MAP3K13: variants seen among roughly 807,000 people sequenced by gnomAD.
The protein encoded by MAP3K13 is leucine zipper-bearing kinase.
A neutral mutation model predicts 104.0 loss-of-function variants in MAP3K13; 52 were observed. The observed-to-expected ratio is 0.50, with a 90% CI of 0.40 to 0.63. The LOEUF is 0.63. MAP3K13 is among the 20% of genes least tolerant of loss of function. MAP3K13 has a pLI of 0.00. For synonymous variants in MAP3K13, 394 were observed against 442.2 expected, an observed-to-expected ratio of 0.89 and a Z score of 1.37; for missense variants, 914 against 1,218.5, an observed-to-expected ratio of 0.75 and a Z score of 3.72.
At chr3:185,408,390 G>A (rs1018699039) in intron 1 of MAP3K13, among the ~76,000 whole-genome samples, 1 of 152,014 alleles carries the variant, frequency 6.6e-6, no homozygotes, top group African/African-American at 2.4e-5. Context: ...TGGCCAACAT[G>A]GTGAAATGCC....
At chr3:185,341,040 AT>A (rs1722702896) in intron 2 of MAP3K13, among the ~76,000 whole-genome samples, 1 of 10,100 alleles carries the variant, frequency 9.9e-5, no homozygotes, top group Non-Finnish European at 5.3e-4. Context: ...ATAAAGTTAC[AT>A]TCTGAGATTC....
In MAP3K13 at chr3:185,455,001, T is replaced by G. The variant is rs1355053272; in HGVS notation, c.1278+3606T>G. On this transcript the variant is annotated intron_variant, in intron 7 of 13. Coordinates refer to ENST00000265026, the MANE Select transcript of MAP3K13 (RefSeq NM_004721.5). ...TGATATATATGAGATATATATGATA[T>G]ATATGAGATATATATGATATATATG... Among the ~76,000 whole-genome samples, 2 of 44,932 alleles carry G rather than the reference T, an allele frequency of 4.5e-5. 1 individual carries two copies. Among genetic ancestry groups the G allele is most frequent in the African/African-American group, 1.1e-4 (2 of 18,706 alleles). 29.5% of individuals were successfully genotyped at this position (44,932 alleles called of 152,430 possible).
At chr3:185,413,568 T>C (rs1482979859) in intron 1 of MAP3K13, among the ~76,000 whole-genome samples, 1 of 152,184 alleles carries the variant, frequency 6.6e-6, no homozygotes, top group African/African-American at 2.4e-5. Flanking sequence ...ACACCTGTAA[T>C]CCCAGCAATT....
intron 1 of MAP3K13, among the ~76,000 whole-genome samples, chr3:185,415,638 C>T (rs9824166): frequency 0.61 from 83,321 of 137,028 alleles, 25,431 homozygotes; most frequent in Non-Finnish European, 0.69. Context: ...GGCTGGAGTA[C>T]AATGGTGCCG....
At chr3:185,298,599 G>A (rs1720996113) in intron 2 of MAP3K13, among the ~76,000 whole-genome samples, 1 of 152,120 alleles carries the variant, frequency 6.6e-6, no homozygotes, top group African/African-American at 2.4e-5. Context: ...TTTTTAAGAA[G>A]TCAAGTATCT....
chr3:185,453,826 GAT>G (rs61131175), intron 7 of MAP3K13, among the ~76,000 whole-genome samples: 333 of 11,694 alleles, frequency 0.028, 29 homozygotes, highest in Admixed American at 0.043. Context: ...ATATATATGA[GAT>G]ATATATATAT....
At chr3:185,426,538 C>G (rs1714431591) in intron 1 of MAP3K13, among the ~76,000 whole-genome samples, 1 of 152,130 alleles carries the variant, frequency 6.6e-6, no homozygotes, top group African/African-American at 2.4e-5. Context: ...GATACTATGG[C>G]TCCCCATCAC....
intron 1 of MAP3K13, among the ~76,000 whole-genome samples, chr3:185,380,212 G>A (rs1203464572): frequency 1.6e-3 from 185 of 113,246 alleles, no homozygotes; most frequent in Admixed American, 5.1e-3. Context: ...CAAAAAAACA[G>A]AAGAAGTGCT....
At chr3:185,395,964 C>T (rs1478796989) in intron 1 of MAP3K13, among the ~76,000 whole-genome samples, 1 of 152,074 alleles carries the variant, frequency 6.6e-6, no homozygotes, top group Non-Finnish European at 1.5e-5. Flanking sequence ...CAGGCATGAG[C>T]CACTGCGTCT....
intron 1 of MAP3K13, among the ~76,000 whole-genome samples, chr3:185,374,760 T>C (rs1028488355): frequency 2.4e-5 from 3 of 126,486 alleles, no homozygotes; most frequent in South Asian, 4.9e-4. Flanking sequence ...AGAGTCCCCC[T>C]TTTTTTTTAG....
At chr3:185,297,806 A>G (rs1720970164) in intron 2 of MAP3K13, among the ~76,000 whole-genome samples, 1 of 152,050 alleles carries the variant, frequency 6.6e-6, no homozygotes, top group Non-Finnish European at 1.5e-5. Flanking sequence ...CAGGGTAGGA[A>G]GATTGGGAGT....
At chr3:185,341,846 G>A (rs1385926519) in intron 2 of MAP3K13, among the ~76,000 whole-genome samples, 1 of 152,192 alleles carries the variant, frequency 6.6e-6, no homozygotes, top group Non-Finnish European at 1.5e-5. Flanking sequence ...CTATGTGGCT[G>A]TTTTTACATG....
chr3:185,438,034 T>C (rs1309143882), intron 3 of MAP3K13, among the ~76,000 whole-genome samples: 1 of 152,192 alleles, frequency 6.6e-6, no homozygotes, highest in Admixed American at 6.5e-5. Flanking sequence ...GGCTCATGTC[T>C]GTAATCCCAG....
At chr3:185,449,023 A>G (rs898620479) in intron 5 of MAP3K13, among the ~76,000 whole-genome samples, 1 of 152,164 alleles carries the variant, frequency 6.6e-6, no homozygotes, top group Non-Finnish European at 1.5e-5. Flanking sequence ...GATTTTGAAA[A>G]TACAGTTTAA....
intron 1 of MAP3K13, among the ~76,000 whole-genome samples, chr3:185,387,156 T>C (rs963990824): frequency 6.6e-6 from 1 of 152,100 alleles, no homozygotes; most frequent in African/African-American, 2.4e-5. Context: ...TTGGATATGG[T>C]TTATTTGTTC....
rs1299444973 is a variant in MAP3K13, at chr3:185,437,641, G to A, written c.659+11G>A. The A allele has an allele frequency of 9.2e-6, 13 of 1,407,546 alleles. No individual in the cohort carries two copies. Among genetic ancestry groups the A allele is most frequent in the South Asian group, 1.3e-5 (1 of 76,950 alleles). 87.2% of individuals were successfully genotyped at this position (1,407,546 alleles called of 1,614,324 possible). ...CATCATCGCATTCAAGTAGGTCAAG[G>A]CTTTTTTTTTTTAAGAAGTAGACCT... On this transcript the variant is annotated intron_variant, in intron 3 of 13. Coordinates refer to ENST00000265026, the MANE Select transcript of MAP3K13 (RefSeq NM_004721.5).
intron 2 of MAP3K13, among the ~76,000 whole-genome samples, chr3:185,331,409 CTTTT>C (rs941292694): frequency 6.6e-6 from 1 of 150,430 alleles, no homozygotes; most frequent in African/African-American, 2.5e-5. Context: ...CTTTTCTTTT[CTTTT>C]TTTTTAAGTA....
chr3:185,441,557 G>T (rs1715321992), intron 3 of MAP3K13, among the ~76,000 whole-genome samples: 1 of 152,142 alleles, frequency 6.6e-6, no homozygotes, highest in Non-Finnish European at 1.5e-5. Flanking sequence ...ATTGGAAAAG[G>T]TTTTCATGGA....
chr3:185,451,219 G>A, intron 6 of MAP3K13, 68 bp from the exon 7 acceptor site: 2 of 1,144,426 alleles, frequency 1.7e-6, no homozygotes, highest in South Asian at 1.4e-5. Context: ...TCTTCATAAA[G>A]TAAAATAAAA....
Sources: gnomAD v4.1 joint callset for allele counts (sites outside exome capture counted in the v4.1 genomes callset) on GRCh38, gnomAD v4.1.1 for gene constraint, MANE v1.5 for transcripts, NCBI Gene and HGNC (gene_info 2026-07-23, HGNC 2026-07-21) for gene names.